Variants in SUGCT observed in about 807,000 individuals in gnomAD.
SUGCT encodes the protein succinyl-CoA:glutarate-CoA transferase.
SUGCT carries 41 observed loss-of-function variants against 55.0 expected under a neutral mutation model. The observed-to-expected ratio is 0.74, with a 90% CI of 0.58 to 0.97. SUGCT has a LOEUF of 0.97. Ranked by LOEUF, SUGCT falls within the 50% of genes least tolerant of loss-of-function variation. SUGCT has a pLI of 0.00. For missense variants in SUGCT, 568 were observed against 547.8 expected (o/e 1.04, Z -0.37); for synonymous variants, 187 against 200.4 (o/e 0.93, Z 0.56).
chr7:40,977,194 G>A, the SUGCT span, among the ~76,000 whole-genome samples: 1 of 152,176 alleles, frequency 6.6e-6, no homozygotes, highest in East Asian at 1.9e-4. Context: ...GGGCCATTTG[G>A]CCGATCCTCT....
chr7:40,498,173 T>A (rs189848841), intron 12 of SUGCT, among the ~76,000 whole-genome samples: 1 of 152,326 alleles, frequency 6.6e-6, no homozygotes, highest in East Asian at 1.9e-4. Flanking sequence ...AAGCTTTTCA[T>A]ACTATTACAA....
the SUGCT span, among the ~76,000 whole-genome samples, chr7:40,932,310 C>T: frequency 6.6e-6 from 1 of 152,080 alleles, no homozygotes; most frequent in African/African-American, 2.4e-5. Context: ...GATTTTTGTT[C>T]TTTTACATTT....
chr7:40,942,867 C>T, the SUGCT span, among the ~76,000 whole-genome samples: 7 of 152,096 alleles, frequency 4.6e-5, no homozygotes, highest in East Asian at 1.4e-3. Context: ...CTTTCCAGTA[C>T]ATTCTGTAAT....
At chr7:40,459,439 AAG>A (rs1789675032) in intron 11 of SUGCT, among the ~76,000 whole-genome samples, 1 of 152,156 alleles carries the variant, frequency 6.6e-6, no homozygotes, top group Admixed American at 6.5e-5. Flanking sequence ...ATAAATAAGA[AAG>A]TCACCATGAC....
At chr7:40,313,401 T>G (rs1584652720) in intron 8 of SUGCT, among the ~76,000 whole-genome samples, 1 of 152,202 alleles carries the variant, frequency 6.6e-6, no homozygotes, top group African/African-American at 2.4e-5. Context: ...AACCTCTGAT[T>G]TTTTTCATAC....
At chr7:40,725,900 G>A (rs1331007757) in intron 12 of SUGCT, among the ~76,000 whole-genome samples, 1 of 151,988 alleles carries the variant, frequency 6.6e-6, no homozygotes, top group African/African-American at 2.4e-5. Flanking sequence ...AAGAGTAAGT[G>A]AGTAAAGAAC....
At chr7:40,172,241 G>A (rs1784712700) in intron 1 of SUGCT, among the ~76,000 whole-genome samples, 2 of 152,220 alleles carry the variant, frequency 1.3e-5, no homozygotes, top group African/African-American at 4.8e-5. Context: ...AGTGGGGGAA[G>A]CTGGGTAGAA....
chr7:40,452,644 C>G (rs1237021761), intron 10 of SUGCT, among the ~76,000 whole-genome samples: 3 of 152,086 alleles, frequency 2.0e-5, no homozygotes, highest in Non-Finnish European at 4.4e-5. Flanking sequence ...CATCTGTTTT[C>G]CTATGTATAA....
Position 40,190,417 on chromosome 7 carries a change from T to C in SUGCT, c.363+823T>C, listed in dbSNP as rs1785821626. Among the ~76,000 whole-genome samples, 3 of 152,126 alleles carry C rather than the reference T, an allele frequency of 2.0e-5. No individual in the cohort carries two copies. The South Asian group carries it at 6.2e-4, about 31-fold the overall frequency. On this transcript the variant is annotated intron_variant, in intron 5 of 13. Transcript: ENST00000335693. ...GGTGTGCACTAGCACACCTGGCTAATTTTTGTAATTTTAGTAGCAATGGGG... is the reference window on the plus strand; with the variant it reads ...GGTGTGCACTAGCACACCTGGCTAACTTTTGTAATTTTAGTAGCAATGGGG...
intron 12 of SUGCT, among the ~76,000 whole-genome samples, chr7:40,527,371 C>A (rs1163278584): frequency 2.0e-5 from 3 of 152,328 alleles, no homozygotes; most frequent in Admixed American, 6.5e-5. Flanking sequence ...AGTTCCAAAT[C>A]TGGCAACTCT....
At chr7:40,621,437 A>G (rs918770788) in intron 12 of SUGCT, among the ~76,000 whole-genome samples, 11 of 152,174 alleles carry the variant, frequency 7.2e-5, no homozygotes, top group African/African-American at 2.4e-4. Context: ...TTGAACGCAC[A>G]AAGTCTCCAG....
At chr7:40,717,385 T>C (rs1786079480) in intron 12 of SUGCT, among the ~76,000 whole-genome samples, 2 of 152,088 alleles carry the variant, frequency 1.3e-5, no homozygotes, top group Non-Finnish European at 2.9e-5. Flanking sequence ...GAATCCCAGG[T>C]CACCACAGGA....
intron 9 of SUGCT, among the ~76,000 whole-genome samples, chr7:40,325,820 A>G (rs1795998119): frequency 6.6e-6 from 1 of 151,918 alleles, no homozygotes; most frequent in African/African-American, 2.4e-5. Context: ...AAAACAAAAC[A>G]AACAACAACA....
chr7:40,455,490 G>T (rs1789430702), intron 10 of SUGCT, among the ~76,000 whole-genome samples: 1 of 151,986 alleles, frequency 6.6e-6, no homozygotes, highest in African/African-American at 2.4e-5. Flanking sequence ...GTAAGAAGAT[G>T]GAAAAATATA....
At chr7:40,951,411 C>G in the SUGCT span, among the ~76,000 whole-genome samples, 1 of 151,970 alleles carries the variant, frequency 6.6e-6, no homozygotes, top group Non-Finnish European at 1.5e-5. Context: ...AACCAGCTCC[C>G]AGATTCATTG....
intron 7 of SUGCT, among the ~76,000 whole-genome samples, chr7:40,239,252 TA>T (rs1789206673): frequency 6.6e-6 from 1 of 152,164 alleles, no homozygotes; most frequent in South Asian, 2.1e-4. Flanking sequence ...GACTAATTTT[TA>T]AATTTTTTGT....
intron 9 of SUGCT, among the ~76,000 whole-genome samples, chr7:40,374,987 A>G (rs1415299211): frequency 6.6e-6 from 1 of 152,160 alleles, no homozygotes; most frequent in Non-Finnish European, 1.5e-5. Flanking sequence ...GGTGGCCGAC[A>G]TACAAGTGAG....
chr7:40,247,516 C>T (rs145027257), intron 7 of SUGCT, among the ~76,000 whole-genome samples: 3,382 of 152,226 alleles, frequency 0.022, 57 homozygotes, highest in Non-Finnish European at 0.033. Context: ...CCTGGACCTC[C>T]CGAAGTCCTG....
chr7:41,021,670 A>T, the SUGCT span, among the ~76,000 whole-genome samples: 2 of 152,220 alleles, frequency 1.3e-5, no homozygotes, highest in East Asian at 3.9e-4. Flanking sequence ...AGTATAAAAT[A>T]AGAATATCTA....
Sources: gnomAD v4.1 joint callset for allele counts (sites outside exome capture counted in the v4.1 genomes callset) on GRCh38, gnomAD v4.1.1 for gene constraint, MANE v1.5 for transcripts, NCBI Gene and HGNC (gene_info 2026-07-23, HGNC 2026-07-21) for gene names.